The following TMEM177 variants were observed in gnomAD, a reference collection of about 807,000 sequenced individuals.
The protein encoded by TMEM177 is transmembrane protein 177.
Under a neutral mutation model 14.2 loss-of-function variants are expected in TMEM177, and 4 were observed. The observed-to-expected ratio is 0.28, with a 90% CI of 0.14 to 0.64. The LOEUF (loss-of-function observed/expected upper bound fraction) is 0.64, where lower values mean the gene tolerates loss of function less well. Ranked by LOEUF, TMEM177 falls within the 30% of genes least tolerant of loss-of-function variation. The probability of loss-of-function intolerance (pLI) is 0.82; values close to 1 mark genes in which losing one functional copy is unlikely to be tolerated. For missense variants in TMEM177, 344 were observed against 405.2 expected (o/e 0.85, Z 1.30); for synonymous variants, 179 against 174.5 (o/e 1.03, Z -0.20).
intron 1 of TMEM177, among the ~76,000 whole-genome samples, chr2:119,680,322 A>G (rs746738286): frequency 2.6e-5 from 4 of 152,334 alleles, no homozygotes; most frequent in Non-Finnish European, 4.4e-5. Context: ...ACAGCTTTGA[A>G]ATAGGGTTAG....
the TMEM177 span, among the ~76,000 whole-genome samples, chr2:119,692,450 C>G: frequency 6.6e-6 from 1 of 152,240 alleles, no homozygotes; most frequent in Non-Finnish European, 1.5e-5. Flanking sequence ...GGCCATGTCC[C>G]CAGGCGAACA....
At chr2:119,694,280 C>CCCCA in the TMEM177 span, among the ~76,000 whole-genome samples, 2 of 149,688 alleles carry the variant, frequency 1.3e-5, no homozygotes, top group African/African-American at 4.9e-5. Flanking sequence ...GTGTGGTATA[C>CCCCA]CACACACACA....
chr2:119,682,816 C>T (rs76207538), downstream of TMEM177, among the ~76,000 whole-genome samples: 1 of 151,996 alleles, frequency 6.6e-6, no homozygotes, highest in Non-Finnish European at 1.5e-5. Context: ...AAGCTTGGCT[C>T]GTAGGGGTCA....
chr2:119,695,182 C>T, the TMEM177 span, among the ~76,000 whole-genome samples: 1 of 152,206 alleles, frequency 6.6e-6, no homozygotes, highest in African/African-American at 2.4e-5. Context: ...AGAGCATAAG[C>T]TCAACGAAGG....
At chr2:119,702,489 C>T in the TMEM177 span, among the ~76,000 whole-genome samples, 172 of 152,292 alleles carry the variant, frequency 1.1e-3, no homozygotes, top group African/African-American at 4.0e-3. Flanking sequence ...CTTGGCACTA[C>T]ATAAGAGTTC....
the TMEM177 span, among the ~76,000 whole-genome samples, chr2:119,694,143 G>A: frequency 1.1e-3 from 78 of 70,716 alleles, no homozygotes; most frequent in African/African-American, 3.9e-3. Context: ...CACATTGCAC[G>A]TACCACACAC....
chr2:119,698,194 G>A, the TMEM177 span, among the ~76,000 whole-genome samples: 3 of 152,292 alleles, frequency 2.0e-5, no homozygotes, highest in South Asian at 6.2e-4. Flanking sequence ...GGGTGTGGTA[G>A]CAACTTTTAT....
the TMEM177 span, among the ~76,000 whole-genome samples, chr2:119,706,606 A>G: frequency 1.3e-5 from 2 of 152,118 alleles, no homozygotes; most frequent in Admixed American, 6.5e-5. Context: ...ACTAAAAAAC[A>G]TATTTTTTGC....
chr2:119,722,224 T>C, the TMEM177 span, among the ~76,000 whole-genome samples: 3 of 151,544 alleles, frequency 2.0e-5, no homozygotes, highest in East Asian at 3.9e-4. Context: ...TACAAAAAGT[T>C]AGAAAAAATA....
chr2:119,700,226 AC>A, the TMEM177 span: 1 of 160,496 alleles, frequency 6.2e-6, no homozygotes, highest in Non-Finnish European at 1.4e-5. Flanking sequence ...AGGAATGGGA[AC>A]AAGAGGTGGG....
downstream of TMEM177, among the ~76,000 whole-genome samples, chr2:119,682,444 A>G (rs1688930716): frequency 6.6e-6 from 1 of 152,154 alleles, no homozygotes; most frequent in Non-Finnish European, 1.5e-5. Flanking sequence ...TAGAGGTTAA[A>G]AGACTAGAGA....
In TMEM177 at chr2:119,681,349, A is replaced by T. The variant is rs774112490; in HGVS notation, c.496A>T (p.Thr166Ser). 6.2e-7 allele frequency: 1 copy of T among 1,614,132 alleles called. No homozygotes were observed. The highest frequency in any genetic ancestry group is 8.5e-7 in the Non-Finnish European group (1 of 1,179,974). The change falls in exon 2 of 2, where the codon ACT becomes TCT. Residue 166 changes from threonine (T) to serine (S), a missense_variant. Coordinates refer to ENST00000272521, the MANE Select transcript of TMEM177 (RefSeq NM_030577.3). ...AGTGGTGTACCTGGAAAGCAGTACC[A>T]CTGCCGTGCACGCCCTGCTGGCCCC... is the stretch of plus-strand genomic sequence containing the variant. Reference protein sequence around the residue: ...REVVYLESSTTAVHALLAPAC... With the variant: ...REVVYLESSTSAVHALLAPAC...
chr2:119,695,153 C>T, the TMEM177 span, among the ~76,000 whole-genome samples: 1 of 152,318 alleles, frequency 6.6e-6, no homozygotes, highest in East Asian at 1.9e-4. Context: ...AAGAGTCTCT[C>T]TGTGTCCTTT....
the TMEM177 span, among the ~76,000 whole-genome samples, chr2:119,712,588 G>T: frequency 1.3e-5 from 2 of 152,136 alleles, no homozygotes; most frequent in African/African-American, 4.8e-5. Flanking sequence ...AAGAAGAGGG[G>T]CCTCAGGAGA....
the TMEM177 span, among the ~76,000 whole-genome samples, chr2:119,723,429 TC>T: frequency 6.6e-6 from 1 of 152,012 alleles, no homozygotes; most frequent in Admixed American, 6.6e-5. Context: ...TGAAAGACAT[TC>T]CCCCCATAGC....
the TMEM177 span, among the ~76,000 whole-genome samples, chr2:119,715,652 C>T: frequency 6.6e-6 from 1 of 152,236 alleles, no homozygotes; most frequent in African/African-American, 2.4e-5. Flanking sequence ...GCTGTAAGGG[C>T]TCATTGCTTC....
chr2:119,692,846 C>T, the TMEM177 span, among the ~76,000 whole-genome samples: 5 of 151,898 alleles, frequency 3.3e-5, no homozygotes, highest in Admixed American at 3.3e-4. Flanking sequence ...GGTGGTGGCA[C>T]CTGTAATCCC....
chr2:119,680,037 G>C (rs900109702), intron 1 of TMEM177, among the ~76,000 whole-genome samples: 3 of 152,174 alleles, frequency 2.0e-5, no homozygotes, highest in Admixed American at 1.3e-4. Flanking sequence ...GTAGGTGGTA[G>C]CCTTTTCCCT....
the TMEM177 span, among the ~76,000 whole-genome samples, chr2:119,703,012 G>A: frequency 6.6e-6 from 1 of 152,216 alleles, no homozygotes; most frequent in Non-Finnish European, 1.5e-5. Context: ...TGCCCTATCT[G>A]GCCAGCAGGG....
Sources: gnomAD v4.1 joint callset for allele counts (sites outside exome capture counted in the v4.1 genomes callset) on GRCh38, gnomAD v4.1.1 for gene constraint, MANE v1.5 for transcripts, NCBI Gene and HGNC (gene_info 2026-07-23, HGNC 2026-07-21) for gene names.